FBXO34: variants seen among roughly 807,000 people sequenced by gnomAD.
FBXO34 encodes the protein F-box only protein 34.
A neutral mutation model predicts 24.5 loss-of-function variants in FBXO34; 12 were observed. That is an observed-to-expected ratio of 0.49 (90% CI 0.31 to 0.79). The LOEUF (loss-of-function observed/expected upper bound fraction) is 0.79. FBXO34 is among the 30% of genes least tolerant of loss of function. The pLI is 0.04. For missense variants in FBXO34, 823 were observed against 857.7 expected, an observed-to-expected ratio of 0.96 and a Z score of 0.51; for synonymous variants, 320 against 311.9, an observed-to-expected ratio of 1.03 and a Z score of -0.27.
the FBXO34 span, among the ~76,000 whole-genome samples, chr14:55,393,643 C>G: frequency 6.6e-6 from 1 of 151,420 alleles, no homozygotes; most frequent in African/African-American, 2.4e-5. Flanking sequence ...CTCCCTGGCT[C>G]AAGTGATCCT....
downstream of FBXO34, chr14:55,369,373 C>G: frequency 3.1e-6 from 1 of 325,984 alleles, no homozygotes; most frequent in African/African-American, 2.1e-5. Flanking sequence ...CTCCTTCCAC[C>G]AGCACTGGTC....
chr14:55,407,947 G>A, the FBXO34 span, among the ~76,000 whole-genome samples: 8 of 152,228 alleles, frequency 5.3e-5, no homozygotes, highest in Admixed American at 3.3e-4. Flanking sequence ...AGCCCCATTG[G>A]TGGAAGTTTC....
intron 1 of FBXO34, among the ~76,000 whole-genome samples, chr14:55,333,361 T>G (rs556593079): frequency 6.6e-6 from 1 of 152,326 alleles, no homozygotes; most frequent in East Asian, 1.9e-4. Flanking sequence ...TACCATCTAA[T>G]AACCCAGCAC....
chr14:55,289,430 C>A (rs1047929854), intron 1 of FBXO34, among the ~76,000 whole-genome samples: 1 of 152,114 alleles, frequency 6.6e-6, no homozygotes, highest in African/African-American at 2.4e-5. Context: ...TCTTCCTTCC[C>A]CTGTCTCTTG....
chr14:55,359,417 C>T (rs1363044563), intron 3 of FBXO34, among the ~76,000 whole-genome samples: 1 of 152,216 alleles, frequency 6.6e-6, no homozygotes, highest in Non-Finnish European at 1.5e-5. Context: ...TTTTCTGGTG[C>T]ATATACAAGT....
In FBXO34 at chr14:55,350,500, C is replaced by T. The variant is rs1181419637; in HGVS notation, c.110C>T (p.Thr37Ile). 2.5e-6 allele frequency: 4 copies of T among 1,613,782 alleles called. No individual in the cohort carries two copies. Among genetic ancestry groups the T allele is most frequent in the South Asian group, 1.1e-5 (1 of 91,052 alleles). The change falls in exon 2 of 2, where the codon ACA (threonine) becomes ATA (isoleucine). Residue 37 changes from threonine to isoleucine, a missense_variant. Around this residue, in one of 2 missense-constraint regions of FBXO34, gnomAD observed 693 missense variants for 659.1 expected, o/e 1.05. Transcript: ENST00000313833. ...CACCAAAAGGCTGTAAATGATGAAACATGCAAAGCTAGCCACATAACATCA... is the reference window on the plus strand; with the variant it reads ...CACCAAAAGGCTGTAAATGATGAAATATGCAAAGCTAGCCACATAACATCA... ...MNHQKAVNDE[T>I]CKASHITSSV...
downstream of FBXO34, among the ~76,000 whole-genome samples, chr14:55,370,325 T>C (rs74726735): frequency 7.5e-3 from 1,146 of 152,336 alleles, 6 homozygotes; most frequent in Non-Finnish European, 0.013. Flanking sequence ...ATGTATACTC[T>C]GGATATTATT....
chr14:55,402,968 T>TATATATATAC, the FBXO34 span, among the ~76,000 whole-genome samples: 1 of 60,988 alleles, frequency 1.6e-5, no homozygotes, highest in East Asian at 4.9e-4. Context: ...TATATATATA[T>TATATATATAC]AAATAGCTGG....
At chr14:55,366,695 T>C (rs1884686875), downstream of FBXO34, 1 of 152,602 alleles carries the variant, frequency 6.6e-6, no homozygotes, top group African/African-American at 2.4e-5. Context: ...AGCAGCCTGT[T>C]TGGTGCCTGT....
At chr14:55,414,456 CTA>C in the FBXO34 span, 1 of 1,595,056 alleles carries the variant, frequency 6.3e-7, no homozygotes, top group South Asian at 1.2e-5. Context: ...TCTTTGGCAC[CTA>C]TAAAGAAATC....
chr14:55,325,191 T>C (rs914474681), intron 1 of FBXO34, among the ~76,000 whole-genome samples: 4 of 152,262 alleles, frequency 2.6e-5, no homozygotes, highest in African/African-American at 9.6e-5. Context: ...ATATGGCTTC[T>C]TTAATCTGTT....
intron 1 of FBXO34, chr14:55,298,679 C>CGGGG: frequency 1.9e-6 from 3 of 1,546,908 alleles, no homozygotes; most frequent in Non-Finnish European, 2.6e-6. Flanking sequence ...CCGGCAAGGG[C>CGGGG]GGCCTGACCC....
At chr14:55,369,789 T>C, downstream of FBXO34, 3 of 1,614,122 alleles carry the variant, frequency 1.9e-6, no homozygotes, top group Non-Finnish European at 2.5e-6. Context: ...CTAGGCAAGT[T>C]CTCCCAGTCT....
chr14:55,405,506 A>G, the FBXO34 span, among the ~76,000 whole-genome samples: 13 of 152,176 alleles, frequency 8.5e-5, no homozygotes, highest in Admixed American at 7.2e-4. Context: ...TTTTTAATCC[A>G]CATGTGAAAA....
downstream of FBXO34, among the ~76,000 whole-genome samples, chr14:55,364,727 C>CTT (rs534426436): frequency 5.0e-4 from 65 of 130,022 alleles, no homozygotes; most frequent in Non-Finnish European, 6.3e-4. Flanking sequence ...CAGTGCCCAA[C>CTT]TTTTTTTTTT....
intron 1 of FBXO34, among the ~76,000 whole-genome samples, chr14:55,323,646 G>A (rs534819422): frequency 4.6e-5 from 7 of 152,248 alleles, no homozygotes; most frequent in African/African-American, 1.4e-4. Context: ...CTTCCAAAGT[G>A]CTGGGATTAA....
chr14:55,375,834 T>C, the FBXO34 span, among the ~76,000 whole-genome samples: 3 of 152,242 alleles, frequency 2.0e-5, no homozygotes, highest in Admixed American at 2.0e-4. Flanking sequence ...TCCTTGATTG[T>C]TCCTATGTAA....
At chr14:55,283,984 G>GTGTGTCTA (rs1566539814) in intron 1 of FBXO34, among the ~76,000 whole-genome samples, 1 of 151,140 alleles carries the variant, frequency 6.6e-6, no homozygotes, top group Non-Finnish European at 1.5e-5. Context: ...GTCTGTGTGT[G>GTGTGTCTA]TGTGTATGTG....
In FBXO34 at chr14:55,350,397, C is replaced by T; in HGVS notation, c.7C>T (p.Leu3=). 7 of 1,573,930 alleles carry T rather than the reference C, an allele frequency of 4.4e-6. No homozygotes were observed. The highest frequency in any genetic ancestry group is 6.0e-6 in the Non-Finnish European group (7 of 1,165,426). The change falls in exon 2 of 2, where the codon CTA becomes TTA. Residue 3 remains leucine (L), a synonymous_variant. Coordinates refer to ENST00000313833, the MANE Select transcript of FBXO34 (RefSeq NM_017943.4). MH[L]KPYWKLQKKE... is the part of the protein sequence containing the mutation. ...TTCCTATAGGGGCTTTGTTATGCAC[C>T]TAAAGCCATATTGGAAGCTCCAGAA...
Sources: gnomAD v4.1 joint callset for allele counts (sites outside exome capture counted in the v4.1 genomes callset) on GRCh38, gnomAD v4.1.1 for gene constraint, gnomAD v4.1.1 regional missense constraint, MANE v1.5 for transcripts, NCBI Gene and HGNC (gene_info 2026-07-23, HGNC 2026-07-21) for gene names.